The following NEURL1 variants were observed in gnomAD, a reference collection of about 807,000 sequenced individuals.
NEURL1 encodes the protein neuralized E3 ubiquitin protein ligase 1.
Under a neutral mutation model 41.2 loss-of-function variants are expected in NEURL1, and 26 were observed. That is an observed-to-expected ratio of 0.63 (90% CI 0.46 to 0.87). The LOEUF (loss-of-function observed/expected upper bound fraction) is 0.87. NEURL1 is among the 40% of genes least tolerant of loss of function. The pLI, the probability that NEURL1 is intolerant of heterozygous loss-of-function variation, is 0.00. For synonymous variants in NEURL1, 400 were observed against 402.3 expected (o/e 0.99, Z 0.07); for missense variants, 761 against 871.1 (o/e 0.87, Z 1.59).
chr10:103,525,551 A>C (rs1025226927), intron 1 of NEURL1, among the ~76,000 whole-genome samples: 1 of 151,764 alleles, frequency 6.6e-6, no homozygotes, highest in Non-Finnish European at 1.5e-5. Flanking sequence ...ATGGAGTTTC[A>C]CCATGTTGGC....
intron 1 of NEURL1, among the ~76,000 whole-genome samples, chr10:103,526,957 T>C (rs1032936637): frequency 2.6e-5 from 4 of 152,134 alleles, no homozygotes; most frequent in Non-Finnish European, 5.9e-5. Context: ...AAAGCAAGTT[T>C]ATTAGAGAAG....
rs559363095 is a variant in NEURL1 at position 103,590,021 on chromosome 10, A to C, written c.1487-113A>C. On this transcript the variant is annotated intron_variant, in intron 5 of 5. Transcript: ENST00000369780. Reference sequence around the variant, plus strand: ...TGGAAGTTGGGTTGTCAGGGTGAACAGGCAGATCCTGATAAATGGAGGGGG... The same window carrying C: ...TGGAAGTTGGGTTGTCAGGGTGAACCGGCAGATCCTGATAAATGGAGGGGG... The C allele has an allele frequency of 2.8e-6, 3 of 1,089,408 alleles. No homozygotes were observed. In the Admixed American group the frequency reaches 5.4e-5, roughly 20 times the overall value. 67.5% of individuals were successfully genotyped at this position (1,089,408 alleles called of 1,614,324 possible).
rs767038771 is a variant in NEURL1, at chr10:103,494,461, A to G, written c.74A>G (p.Gln25Arg). ...NPSRAPRGHP[Q>R]NLKDSIGGPF... ...AGCCGCGCGCCGCGGGGCCACCCCC[A>G]GAACCTCAAAGGTAGGCTCCCCGGC... Residue 25 changes from glutamine to arginine, a missense_variant, in exon 1 of 6, where the codon CAG becomes CGG. By Grantham distance (43) the Gln-to-Arg change is conservative (BLOSUM62 1). Transcript: ENST00000369780. 1 of 1,584,666 alleles carries G rather than the reference A, an allele frequency of 6.3e-7. No individual in the cohort carries two copies. Among genetic ancestry groups the G allele is most frequent in the Non-Finnish European group, 8.6e-7 (1 of 1,165,708 alleles).
At chr10:103,583,890 T>C (rs2035839282) in intron 3 of NEURL1, among the ~76,000 whole-genome samples, 1 of 151,988 alleles carries the variant, frequency 6.6e-6, no homozygotes, top group Admixed American at 6.6e-5. Context: ...TTTTATATTT[T>C]GTATAACTTG....
chr10:103,534,416 A>G lies in NEURL1; in HGVS notation c.86-36456A>G, dbSNP rs185052273. 4.6e-5 allele frequency among the ~76,000 whole-genome samples: 7 copies of G among 152,224 alleles called. No homozygotes were observed. In the East Asian group the frequency reaches 1.2e-3, roughly 25 times the overall value. ...ATTTTAGAATGGCTTTTGTAGAGAA[A>G]GGTTTTCATCTGCAGTTGGGTTGTA... is the stretch of plus-strand genomic sequence containing the variant. On this transcript the variant is annotated intron_variant, in intron 1 of 5. Transcript: ENST00000369780.
At chr10:103,531,891 T>C (rs2034581350) in intron 1 of NEURL1, among the ~76,000 whole-genome samples, 1 of 152,224 alleles carries the variant, frequency 6.6e-6, no homozygotes, top group Non-Finnish European at 1.5e-5. Context: ...GCACATATAA[T>C]TTATGATTGT....
intron 1 of NEURL1, among the ~76,000 whole-genome samples, chr10:103,541,521 T>A (rs2034820395): frequency 6.6e-6 from 1 of 152,210 alleles, no homozygotes; most frequent in East Asian, 1.9e-4. Flanking sequence ...CTCCCAGGAA[T>A]GGTCCTGCCT....
chr10:103,579,326 GA>G (rs535825040), intron 3 of NEURL1, among the ~76,000 whole-genome samples: 27 of 152,350 alleles, frequency 1.8e-4, no homozygotes, highest in Admixed American at 1.4e-3. Flanking sequence ...TCTGAAACAG[GA>G]AGGGGACTTC....
At chr10:103,530,357 A>G (rs1383041948) in intron 1 of NEURL1, among the ~76,000 whole-genome samples, 1 of 151,384 alleles carries the variant, frequency 6.6e-6, no homozygotes, top group East Asian at 1.9e-4. Flanking sequence ...TGTATCCTAT[A>G]GGTTTTGCTT....
In NEURL1 at chr10:103,584,936, C is replaced by G. The variant is rs2035880129; in HGVS notation, c.1050C>G (p.Pro350=). The G allele has an allele frequency of 6.7e-7, 1 of 1,490,794 alleles. No individual in the cohort carries two copies. Among genetic ancestry groups the G allele is most frequent in the Admixed American group, 2.3e-5 (1 of 44,096 alleles). The allele number at this position is 1,490,794 out of a possible 1,614,324, so 92.3% of individuals were successfully genotyped here. ...VKVTRSGGAR[P]GALSFGVTTC... ...TCACGCGCTCGGGTGGCGCGCGGCC[C>G]GGCGCGCTGTCGTTCGGCGTCACCA... Residue 350 remains proline (P), a synonymous_variant, in exon 4 of 6, where the codon CCC becomes CCG. Coordinates refer to ENST00000369780, the MANE Select transcript of NEURL1 (RefSeq NM_004210.5).
chr10:103,519,945 T>C (rs527245358), intron 1 of NEURL1, among the ~76,000 whole-genome samples: 1 of 151,954 alleles, frequency 6.6e-6, no homozygotes, highest in East Asian at 1.9e-4. Flanking sequence ...CAGCATACTC[T>C]GGCTAATTTT....
rs376851287 is a variant in NEURL1 at position 103,553,054 on chromosome 10, T to C, written c.86-17818T>C. On this transcript the variant is annotated intron_variant, in intron 1 of 5. Coordinates refer to ENST00000369780, the MANE Select transcript of NEURL1 (RefSeq NM_004210.5). ...GGGCCATAGGAAGGCCAGGCTGGCA[T>C]GTGCGAGGGATTGGTGGGCAAGGGG... Among the ~76,000 whole-genome samples, 11 of 152,230 alleles carry C rather than the reference T, an allele frequency of 7.2e-5. No homozygotes were observed. In the East Asian group the frequency reaches 1.2e-3, roughly 16 times the overall value.
chr10:103,534,850 A>G (rs2034656970), intron 1 of NEURL1, among the ~76,000 whole-genome samples: 1 of 151,948 alleles, frequency 6.6e-6, no homozygotes, highest in African/African-American at 2.4e-5. Context: ...AGGGTTGGAT[A>G]TATGTTGCCC....
intron 2 of NEURL1, 117 bp downstream of exon 2, chr10:103,571,230 C>A: frequency 9.7e-7 from 1 of 1,031,930 alleles, no homozygotes; most frequent in Non-Finnish European, 1.4e-6. Context: ...CAGCACCACA[C>A]CCTGCCCCTG....
intron 1 of NEURL1, among the ~76,000 whole-genome samples, chr10:103,503,970 T>C (rs563797714): frequency 7.1e-6 from 1 of 140,042 alleles, no homozygotes; most frequent in South Asian, 2.2e-4. Flanking sequence ...TTTATTTATT[T>C]ATTTATTTAT....
chr10:103,579,935 G>T (rs1030992851), intron 3 of NEURL1, among the ~76,000 whole-genome samples: 1 of 152,110 alleles, frequency 6.6e-6, no homozygotes, highest in Non-Finnish European at 1.5e-5. Flanking sequence ...AACAGAGCGA[G>T]ACCCCGTATC....
chr10:103,494,809 GT>G (rs2033645425), intron 1 of NEURL1: 4 of 12,946 alleles, frequency 3.1e-4, no homozygotes, highest in Non-Finnish European at 3.6e-4. Context: ...TGGGTCGTCC[GT>G]GTCTCCAGGG....
At chr10:103,552,592 G>A (rs2035052788) in intron 1 of NEURL1, among the ~76,000 whole-genome samples, 1 of 152,196 alleles carries the variant, frequency 6.6e-6, no homozygotes, top group Non-Finnish European at 1.5e-5. Flanking sequence ...TTCTCAGGTT[G>A]TGATGATATA....
At chr10:103,499,470 CTCCTTCCCTTCCTTCT>C in intron 1 of NEURL1, among the ~76,000 whole-genome samples, 1 of 147,986 alleles carries the variant, frequency 6.8e-6, no homozygotes, top group Non-Finnish European at 1.5e-5. Context: ...CCCTTCCTTC[CTCCTTCCCTTCCTTCT>C]TTTCTTTTCT....
Sources: gnomAD v4.1 joint callset for allele counts (sites outside exome capture counted in the v4.1 genomes callset) on GRCh38, gnomAD v4.1.1 for gene constraint, MANE v1.5 for transcripts, NCBI Gene and HGNC (gene_info 2026-07-23, HGNC 2026-07-21) for gene names.